The following SUGCT variants were observed in gnomAD, a reference collection of about 807,000 sequenced individuals.
SUGCT encodes succinyl-CoA:glutarate-CoA transferase.
A neutral mutation model predicts 55.0 loss-of-function variants in SUGCT; 41 were observed. That is an observed-to-expected ratio of 0.74 (90% CI 0.58 to 0.97). The LOEUF is 0.97. Ranked by LOEUF, SUGCT falls within the 50% of genes least tolerant of loss-of-function variation. SUGCT has a pLI of 0.00. For missense variants in SUGCT, 568 were observed against 547.8 expected, an observed-to-expected ratio of 1.04 and a Z score of -0.37; for synonymous variants, 187 against 200.4, an observed-to-expected ratio of 0.93 and a Z score of 0.56.
At chr7:40,667,701 T>C (rs891800108) in intron 12 of SUGCT, among the ~76,000 whole-genome samples, 1 of 152,152 alleles carries the variant, frequency 6.6e-6, no homozygotes, top group Non-Finnish European at 1.5e-5. Context: ...CAGTAATTTA[T>C]TCATTTCCTC....
intron 13 of SUGCT, among the ~76,000 whole-genome samples, chr7:40,763,689 G>A (rs374633584): frequency 2.6e-5 from 4 of 152,114 alleles, no homozygotes; most frequent in South Asian, 2.1e-4. Context: ...CCAGCTCACC[G>A]GGCATTCATA....
intron 7 of SUGCT, among the ~76,000 whole-genome samples, chr7:40,266,997 CAG>C (rs1448435323): frequency 1.4e-5 from 2 of 142,706 alleles, no homozygotes; most frequent in Non-Finnish European, 3.0e-5. Flanking sequence ...GCCTGGGAGA[CAG>C]AGCAAGACTC....
rs191246232 is a variant in SUGCT, at chr7:40,600,433, T to C, written c.1089+104047T>C. Among the ~76,000 whole-genome samples, 510 of 152,326 alleles carry C rather than the reference T, an allele frequency of 3.3e-3. 2 individuals are homozygous for C. The highest frequency in any genetic ancestry group is 0.012 in the African/African-American group (483 of 41,574). The stretch of plus-strand genomic sequence containing the variant: ...CTGATAACACATGGTTTGCAGAATG[T>C]CATCTAAGGTATTCATTTTGTTAAT... On this transcript the variant is annotated intron_variant, in intron 12 of 13. Coordinates refer to ENST00000335693, the MANE Select transcript of SUGCT (RefSeq NM_001193313.2).
At chr7:40,447,980 A>T (rs1432239466) in intron 9 of SUGCT, among the ~76,000 whole-genome samples, 1 of 152,094 alleles carries the variant, frequency 6.6e-6, no homozygotes, top group African/African-American at 2.4e-5. Flanking sequence ...AGAAGTGCTA[A>T]AACATCCTCC....
chr7:40,258,827 A>T (rs1791014762), intron 7 of SUGCT, among the ~76,000 whole-genome samples: 1 of 152,198 alleles, frequency 6.6e-6, no homozygotes, highest in Admixed American at 6.5e-5. Context: ...CAACCCCACC[A>T]ATGGGCATAT....
chr7:40,972,028 T>G, the SUGCT span, among the ~76,000 whole-genome samples: 1 of 152,240 alleles, frequency 6.6e-6, no homozygotes, highest in Non-Finnish European at 1.5e-5. Flanking sequence ...TTAACATTTT[T>G]CTTTTTTGGT....
chr7:40,631,140 T>C (rs1156853129), intron 12 of SUGCT, among the ~76,000 whole-genome samples: 1 of 152,310 alleles, frequency 6.6e-6, no homozygotes, highest in East Asian at 1.9e-4. Context: ...AACAAACATA[T>C]GAAAACAGGA....
At chr7:40,901,288 C>T in the SUGCT span, among the ~76,000 whole-genome samples, 5 of 152,204 alleles carry the variant, frequency 3.3e-5, no homozygotes, top group Non-Finnish European at 7.3e-5. Flanking sequence ...CAATGACTCT[C>T]TTGGCTGGTC....
At chr7:40,422,970 A>G (rs778444863) in intron 9 of SUGCT, among the ~76,000 whole-genome samples, 8 of 152,182 alleles carry the variant, frequency 5.3e-5, no homozygotes, top group Non-Finnish European at 7.4e-5. Context: ...TTTAAGTGCT[A>G]CTTGCTCATA....
At chr7:40,465,107 T>C (rs1294982541) in intron 11 of SUGCT, among the ~76,000 whole-genome samples, 1 of 152,244 alleles carries the variant, frequency 6.6e-6, no homozygotes. Context: ...AAGTTCGCCT[T>C]TTAAAATACT....
intron 6 of SUGCT, among the ~76,000 whole-genome samples, chr7:40,218,850 C>G (rs1470461939): frequency 6.6e-6 from 1 of 152,166 alleles, no homozygotes. Context: ...CCAATCAGCA[C>G]TCTGTAAAAT....
intron 6 of SUGCT, among the ~76,000 whole-genome samples, chr7:40,226,075 A>G (rs894938121): frequency 6.6e-6 from 1 of 152,164 alleles, no homozygotes; most frequent in African/African-American, 2.4e-5. Flanking sequence ...TTATATGTTA[A>G]TTTAGATTGG....
In SUGCT at chr7:40,684,241, T is replaced by C. The variant is rs531989358; in HGVS notation, c.1090-65193T>C. 197 of 1,409,160 alleles carry C rather than the reference T, an allele frequency of 1.4e-4. 1 individual carries two copies. The South Asian group carries it at 2.7e-3, about 19-fold the overall frequency. The allele number at this position is 1,409,160 out of a possible 1,614,324, so 87.3% of individuals were successfully genotyped here. On this transcript the variant is annotated intron_variant, in intron 12 of 13. Coordinates refer to ENST00000335693, the MANE Select transcript of SUGCT (RefSeq NM_001193313.2). ...TTGTGACCTTAATTACATCCATACT[T>C]ATTCATTTACATCACAGGTTTCAGG...
chr7:40,921,466 C>G, the SUGCT span, among the ~76,000 whole-genome samples: 44 of 152,324 alleles, frequency 2.9e-4, no homozygotes, highest in African/African-American at 1.1e-3. Context: ...TGTGCACCTT[C>G]GTACTGAAGC....
At chr7:40,507,700 T>C (rs1359664992) in intron 12 of SUGCT, among the ~76,000 whole-genome samples, 1 of 152,066 alleles carries the variant, frequency 6.6e-6, no homozygotes, top group Non-Finnish European at 1.5e-5. Flanking sequence ...TTGGTTAGAG[T>C]TTAAGTACCT....
intron 7 of SUGCT, among the ~76,000 whole-genome samples, chr7:40,265,907 C>T (rs6963317): frequency 0.59 from 89,804 of 151,908 alleles, 26,883 homozygotes; most frequent in African/African-American, 0.7. Context: ...GCTGAGATCA[C>T]GCCCCTGCAC....
At chr7:40,618,758 C>A (rs532462710) in intron 12 of SUGCT, among the ~76,000 whole-genome samples, 3 of 152,266 alleles carry the variant, frequency 2.0e-5, no homozygotes, top group East Asian at 1.9e-4. Context: ...CACTGTTTTG[C>A]AAGTGAAGAA....
At chr7:40,354,346 G>A (rs1348686955) in intron 9 of SUGCT, among the ~76,000 whole-genome samples, 1 of 152,120 alleles carries the variant, frequency 6.6e-6, no homozygotes, top group Non-Finnish European at 1.5e-5. Context: ...GGGAAAAGCA[G>A]GGATCTGTCA....
chr7:40,249,825 C>T (rs911174214), intron 7 of SUGCT, among the ~76,000 whole-genome samples: 2 of 152,120 alleles, frequency 1.3e-5, no homozygotes, highest in African/African-American at 2.4e-5. Context: ...CTCACTTTGT[C>T]GCCTAGTCTG....
Sources: allele counts gnomAD v4.1 joint callset (sites outside exome capture counted in the v4.1 genomes callset), GRCh38; gene constraint gnomAD v4.1.1; transcripts MANE v1.5; gene names NCBI Gene and HGNC (gene_info 2026-07-23, HGNC 2026-07-21).